SELENOT: variants seen among roughly 807,000 people sequenced by gnomAD.
SELENOT encodes thioredoxin reductase-like selenoprotein T.
A neutral mutation model predicts 24.3 loss-of-function variants in SELENOT; 9 were observed. That is an observed-to-expected ratio of 0.37 (90% CI 0.22 to 0.65). SELENOT has a LOEUF of 0.65. Among genes scored for constraint, SELENOT ranks in the 30% least tolerant of loss-of-function variants. The pLI is 0.60. For synonymous variants in SELENOT, 81 were observed against 86.0 expected (o/e 0.94, Z 0.32); for missense variants, 166 against 247.6 (o/e 0.67, Z 2.21).
intron 1 of SELENOT, among the ~76,000 whole-genome samples, chr3:150,610,414 G>C (rs1220742038): frequency 6.6e-6 from 1 of 152,178 alleles, no homozygotes; most frequent in African/African-American, 2.4e-5. Flanking sequence ...TTGCATCTTA[G>C]TAACCAAAAA....
At chr3:150,611,930 G>C in intron 1 of SELENOT, 1 of 894,568 alleles carries the variant, frequency 1.1e-6, no homozygotes, top group South Asian at 1.6e-5. Context: ...TCTCCTGGCC[G>C]CTCCGTCGGC....
At chr3:150,616,784 G>A (rs1446599751) in intron 1 of SELENOT, among the ~76,000 whole-genome samples, 3 of 152,200 alleles carry the variant, frequency 2.0e-5, no homozygotes, top group Non-Finnish European at 4.4e-5. Flanking sequence ...GGGACTACAG[G>A]TGCATGCCAC....
At chr3:150,609,127 G>T (rs1199754579) in intron 1 of SELENOT, among the ~76,000 whole-genome samples, 2 of 152,112 alleles carry the variant, frequency 1.3e-5, no homozygotes, top group African/African-American at 4.8e-5. Flanking sequence ...ATTGGTTATG[G>T]GTTTGTCAGA....
intron 1 of SELENOT, 97 bp downstream of exon 1, chr3:150,603,596 C>T (rs1356715973): frequency 1.3e-5 from 18 of 1,337,138 alleles, no homozygotes; most frequent in African/African-American, 5.9e-5. Flanking sequence ...ATGGCCGCAT[C>T]TTCGCTGGCC....
At chr3:150,604,978 G>A (rs985033103) in intron 1 of SELENOT, among the ~76,000 whole-genome samples, 4 of 150,406 alleles carry the variant, frequency 2.7e-5, no homozygotes, top group East Asian at 3.9e-4. Flanking sequence ...CGGAGGTTGC[G>A]GTGAGCCGAG....
intron 1 of SELENOT, among the ~76,000 whole-genome samples, chr3:150,621,498 C>T (rs529682101): frequency 6.6e-6 from 1 of 151,330 alleles, no homozygotes; most frequent in South Asian, 2.1e-4. Context: ...TGTTCCTTAA[C>T]TTAGAATTTA....
intron 1 of SELENOT, among the ~76,000 whole-genome samples, chr3:150,607,640 G>A (rs140306524): frequency 1.3e-5 from 2 of 152,160 alleles, no homozygotes; most frequent in Admixed American, 6.5e-5. Flanking sequence ...ATGCCTAGTC[G>A]GGATCAGGGA....
chr3:150,621,840 C>A (rs921976640), intron 1 of SELENOT, among the ~76,000 whole-genome samples: 2 of 151,890 alleles, frequency 1.3e-5, no homozygotes, highest in African/African-American at 4.8e-5. Context: ...AACAAGTTTG[C>A]CTGGTTAAGG....
chr3:150,619,768 C>T (rs1339576658), intron 1 of SELENOT, among the ~76,000 whole-genome samples: 3 of 152,170 alleles, frequency 2.0e-5, no homozygotes, highest in Non-Finnish European at 4.4e-5. Context: ...ATACCTTTAA[C>T]ATTTGTCCAC....
chr3:150,625,750 T>C (rs1191952866), intron 4 of SELENOT, among the ~76,000 whole-genome samples: 1 of 152,236 alleles, frequency 6.6e-6, no homozygotes, highest in Non-Finnish European at 1.5e-5. Context: ...AAATTTATCT[T>C]TATATTATAT....
rs1346115175 is a variant in SELENOT, at chr3:150,603,360, A to T, written c.-3A>T. 1 of 1,610,490 alleles carries T rather than the reference A, an allele frequency of 6.2e-7. No individual in the cohort carries two copies. Among genetic ancestry groups the T allele is most frequent in the African/African-American group, 1.3e-5 (1 of 74,892 alleles). On this transcript the variant is annotated 5_prime_UTR_variant, in exon 1 of 6. Transcript: ENST00000471696. ...GGCGGCCGAAGTGGCTGGCTCATTT[A>T]AGATGAGGCTTCTGCTGCTTCTCCT...
intron 1 of SELENOT, among the ~76,000 whole-genome samples, chr3:150,616,415 C>A (rs1303161663): frequency 6.9e-6 from 1 of 144,326 alleles, no homozygotes; most frequent in African/African-American, 2.6e-5. Context: ...GAACAGGCAA[C>A]CTACAAAATG....
At chr3:150,606,445 G>C (rs1219065273) in intron 1 of SELENOT, among the ~76,000 whole-genome samples, 3 of 152,098 alleles carry the variant, frequency 2.0e-5, no homozygotes, top group African/African-American at 4.8e-5. Flanking sequence ...AGTATTACTT[G>C]TGTATCTGAG....
intron 1 of SELENOT, among the ~76,000 whole-genome samples, chr3:150,616,518 A>G (rs1328842568): frequency 6.7e-6 from 1 of 150,268 alleles, no homozygotes; most frequent in African/African-American, 2.5e-5. Flanking sequence ...AAAACAAACA[A>G]CCCCATCAAA....
intron 4 of SELENOT, 200 bp from the exon 5 acceptor site, chr3:150,626,809 CA>C (rs1238615494): frequency 3.7e-6 from 2 of 538,708 alleles, no homozygotes; most frequent in East Asian, 6.0e-5. Context: ...TCTAAGTACA[CA>C]ATTGTAATTT....
At chr3:150,607,880 T>C (rs949896602) in intron 1 of SELENOT, among the ~76,000 whole-genome samples, 1 of 152,182 alleles carries the variant, frequency 6.6e-6, no homozygotes, top group Non-Finnish European at 1.5e-5. Context: ...GGTTTTCTTG[T>C]GGAAAAGACA....
chr3:150,620,179 C>T (rs1275608142), intron 1 of SELENOT, among the ~76,000 whole-genome samples: 2 of 152,210 alleles, frequency 1.3e-5, no homozygotes, highest in East Asian at 1.9e-4. Context: ...GTTCAGCCTG[C>T]GCATATGCAC....
At chr3:150,619,547 ATTTCT>A (rs1183297637) in intron 1 of SELENOT, among the ~76,000 whole-genome samples, 1 of 152,208 alleles carries the variant, frequency 6.6e-6, no homozygotes, top group East Asian at 1.9e-4. Flanking sequence ...AAAAAGAAAG[ATTTCT>A]TTTCAGGAGT....
At chr3:150,624,762 A>AAATGCATT (rs1726405268) in intron 3 of SELENOT, 50 bp from the exon 4 acceptor site, 2 of 1,177,254 alleles carry the variant, frequency 1.7e-6, no homozygotes, top group Non-Finnish European at 1.2e-6. Context: ...TAAAAAGAGC[A>AAATGCATT]TTTACCAAAC....
Sources: gnomAD v4.1 joint callset for allele counts (sites outside exome capture counted in the v4.1 genomes callset) on GRCh38, gnomAD v4.1.1 for gene constraint, MANE v1.5 for transcripts, NCBI Gene and HGNC (gene_info 2026-07-23, HGNC 2026-07-21) for gene names.